The following IMMP2L variants were observed in gnomAD, a reference collection of about 807,000 sequenced individuals.
IMMP2L encodes the protein mitochondrial inner membrane protease subunit 2.
Under a neutral mutation model 19.3 loss-of-function variants are expected in IMMP2L, and 18 were observed. The ratio of observed to expected loss-of-function variants is 0.93; its 90% CI spans 0.64 to 1.38. The LOEUF (loss-of-function observed/expected upper bound fraction) is 1.38. IMMP2L is among the 40% of genes most tolerant of loss of function. The probability of loss-of-function intolerance (pLI) is 0.00; values close to 1 mark genes in which losing one functional copy is unlikely to be tolerated. For synonymous variants in IMMP2L, 76 were observed against 73.0 expected (o/e 1.04, Z -0.21); for missense variants, 233 against 218.2 (o/e 1.07, Z -0.43).
intron 5 of IMMP2L, among the ~76,000 whole-genome samples, chr7:110,865,617 G>C (rs772047205): frequency 6.6e-6 from 1 of 151,852 alleles, no homozygotes; most frequent in Non-Finnish European, 1.5e-5. Flanking sequence ...ATACAAATCT[G>C]ACAAGTGACT....
At position 111,497,848 on chromosome 7, in the gene IMMP2L, C is replaced by T. The variant is rs188547248; in HGVS notation, c.136-10507G>A. Among the ~76,000 whole-genome samples, 139 of 151,826 alleles carry T rather than the reference C, an allele frequency of 9.2e-4. 1 individual carries two copies. Among genetic ancestry groups the T allele is most frequent in the South Asian group, 3.3e-3 (16 of 4,810 alleles). ...TAAACTAATATATATAAAGTCAATA[C>T]TGTAATGACTTGAACATAGTGATCA... is the stretch of plus-strand genomic sequence containing the variant. On this transcript the variant is annotated intron_variant, in intron 2 of 5. Transcript: ENST00000405709.
chr7:111,232,349 C>T (rs1442152181), intron 3 of IMMP2L, among the ~76,000 whole-genome samples: 1 of 149,160 alleles, frequency 6.7e-6, no homozygotes, highest in African/African-American at 2.5e-5. Flanking sequence ...ATAATTAGTT[C>T]ACTATATTGA....
chr7:111,464,817 C>T (rs565824513), intron 3 of IMMP2L, among the ~76,000 whole-genome samples: 1 of 152,086 alleles, frequency 6.6e-6, no homozygotes, highest in East Asian at 1.9e-4. Context: ...CGAAACGGAG[C>T]CTAGCTTGTC....
intron 3 of IMMP2L, among the ~76,000 whole-genome samples, chr7:111,476,449 G>A (rs559127988): frequency 6.6e-6 from 1 of 152,008 alleles, no homozygotes; most frequent in Non-Finnish European, 1.5e-5. Flanking sequence ...TTTTCTATTG[G>A]CACTGTAACA....
chr7:111,330,979 C>A (rs920900765), intron 3 of IMMP2L, among the ~76,000 whole-genome samples: 1 of 151,554 alleles, frequency 6.6e-6, no homozygotes, highest in Non-Finnish European at 1.5e-5. Context: ...ACTGTTGGTG[C>A]GAATATATAT....
At chr7:110,831,019 C>T (rs1398104193) in intron 5 of IMMP2L, among the ~76,000 whole-genome samples, 1 of 152,174 alleles carries the variant, frequency 6.6e-6, no homozygotes, top group East Asian at 1.9e-4. Flanking sequence ...GTCTGCTGGC[C>T]TGGCCCTGGG....
intron 3 of IMMP2L, among the ~76,000 whole-genome samples, chr7:111,441,440 G>T (rs1333605776): frequency 1.3e-5 from 2 of 151,718 alleles, no homozygotes; most frequent in African/African-American, 4.9e-5. Flanking sequence ...AGAGATGGAG[G>T]AACTGCAGGT....
intron 3 of IMMP2L, among the ~76,000 whole-genome samples, chr7:111,331,493 G>C (rs1825870077): frequency 6.6e-6 from 1 of 151,666 alleles, no homozygotes. Flanking sequence ...TAGTTCTATT[G>C]CACAGCATGA....
At chr7:111,147,595 C>T (rs1476555652) in intron 3 of IMMP2L, among the ~76,000 whole-genome samples, 1 of 152,100 alleles carries the variant, frequency 6.6e-6, no homozygotes, top group African/African-American at 2.4e-5. Context: ...CCTCTCATTA[C>T]TTTTCCACCA....
chr7:111,224,324 G>A (rs963847797), intron 3 of IMMP2L, among the ~76,000 whole-genome samples: 2 of 152,082 alleles, frequency 1.3e-5, no homozygotes, highest in Non-Finnish European at 2.9e-5. Context: ...ATAGATTAAG[G>A]AAAATTAACT....
At chr7:110,885,948 G>T (rs1247033862) in intron 5 of IMMP2L, among the ~76,000 whole-genome samples, 1 of 152,060 alleles carries the variant, frequency 6.6e-6, no homozygotes, top group Non-Finnish European at 1.5e-5. Flanking sequence ...ACATAATTTA[G>T]TCACATTTCC....
At chr7:111,262,054 T>TC (rs1171599656) in intron 3 of IMMP2L, among the ~76,000 whole-genome samples, 1 of 152,026 alleles carries the variant, frequency 6.6e-6, no homozygotes, top group Non-Finnish European at 1.5e-5. Context: ...AAGGTAGTGG[T>TC]AGTAGGGATG....
intron 5 of IMMP2L, among the ~76,000 whole-genome samples, chr7:110,834,526 G>C (rs1193582606): frequency 6.6e-6 from 1 of 152,148 alleles, no homozygotes; most frequent in Non-Finnish European, 1.5e-5. Flanking sequence ...CTGGAAGGAA[G>C]AAAGCTTTGT....
At chr7:111,273,540 T>A (rs570428780) in intron 3 of IMMP2L, among the ~76,000 whole-genome samples, 5 of 152,186 alleles carry the variant, frequency 3.3e-5, no homozygotes, top group African/African-American at 1.2e-4. Context: ...GCCATGGGTA[T>A]GGGGTCATCA....
chr7:110,968,367 C>T (rs2129556210), intron 3 of IMMP2L, among the ~76,000 whole-genome samples: 1 of 152,020 alleles, frequency 6.6e-6, no homozygotes, highest in South Asian at 2.1e-4. Flanking sequence ...GTAGCACATT[C>T]TTGCATGAGA....
At chr7:110,815,544 C>A (rs1387303356) in intron 5 of IMMP2L, among the ~76,000 whole-genome samples, 2 of 152,070 alleles carry the variant, frequency 1.3e-5, no homozygotes, top group Non-Finnish European at 2.9e-5. Flanking sequence ...AGGAATGGTA[C>A]CAGCTCCTCC....
At chr7:111,440,310 T>C (rs1201143722) in intron 3 of IMMP2L, among the ~76,000 whole-genome samples, 1 of 151,898 alleles carries the variant, frequency 6.6e-6, no homozygotes, top group East Asian at 1.9e-4. Context: ...ATGGCAGCTA[T>C]AGCCTAACAA....
At position 111,547,999 on chromosome 7, in the gene IMMP2L, G is replaced by A. The variant is rs533075629; in HGVS notation, c.-3+13852C>T. 4.5e-4 allele frequency among the ~76,000 whole-genome samples: 69 copies of A among 152,170 alleles called. 1 individual carries two copies. The highest frequency in any genetic ancestry group is 1.4e-3 in the African/African-American group (60 of 41,536). ...AGCCTCACAAAGTGCTGGGATTACA[G>A]GTGTGAGCCACTGCACCTGGCCCAT... On this transcript the variant is annotated intron_variant, in intron 1 of 5. Coordinates refer to ENST00000405709, the MANE Select transcript of IMMP2L (RefSeq NM_032549.4).
chr7:110,796,976 G>A (rs980507781), intron 5 of IMMP2L, among the ~76,000 whole-genome samples: 1 of 151,994 alleles, frequency 6.6e-6, no homozygotes, highest in African/African-American at 2.4e-5. Flanking sequence ...GGTTTGTAGA[G>A]CAAAGGCAGC....
Sources: gnomAD v4.1 joint callset for allele counts (sites outside exome capture counted in the v4.1 genomes callset) on GRCh38, gnomAD v4.1.1 for gene constraint, MANE v1.5 for transcripts, NCBI Gene and HGNC (gene_info 2026-07-23, HGNC 2026-07-21) for gene names.